Variants in ASCC3 observed in about 807,000 individuals in gnomAD.
The protein encoded by ASCC3 is activating signal cointegrator 1 complex subunit 3.
ASCC3 carries 158 observed loss-of-function variants against 256.3 expected under a neutral mutation model. The ratio of observed to expected loss-of-function variants is 0.62; its 90% CI spans 0.54 to 0.70. ASCC3 has a LOEUF of 0.70. Ranked by LOEUF, ASCC3 falls within the 30% of genes least tolerant of loss-of-function variation. The pLI is 0.00. For missense variants in ASCC3, 2,259 were observed against 2,626.0 expected (o/e 0.86, Z 3.05); for synonymous variants, 948 against 883.4 (o/e 1.07, Z -1.30).
At chr6:100,777,594 G>C (rs975406949) in intron 8 of ASCC3, among the ~76,000 whole-genome samples, 2 of 152,124 alleles carry the variant, frequency 1.3e-5, no homozygotes, top group African/African-American at 4.8e-5. Flanking sequence ...TAGGTTTCTA[G>C]AAAGGTGCCT....
At chr6:100,570,972 T>TGCA (rs1358587952) in intron 36 of ASCC3, among the ~76,000 whole-genome samples, 2 of 152,204 alleles carry the variant, frequency 1.3e-5, no homozygotes, top group Non-Finnish European at 2.9e-5. Context: ...GTGGACTTTC[T>TGCA]GCAGCAGCCA....
intron 14 of ASCC3, among the ~76,000 whole-genome samples, chr6:100,678,140 CT>C (rs770492440): frequency 3.5e-4 from 53 of 152,006 alleles, no homozygotes; most frequent in Non-Finnish European, 5.0e-4. Context: ...AAATGTTAAG[CT>C]TTACAATAAC....
intron 36 of ASCC3, among the ~76,000 whole-genome samples, chr6:100,584,268 C>T (rs1261525123): frequency 6.6e-6 from 1 of 151,378 alleles, no homozygotes; most frequent in East Asian, 1.9e-4. Context: ...AATCTGGGTG[C>T]TCCTGTATTG....
intron 5 of ASCC3, among the ~76,000 whole-genome samples, chr6:100,801,429 T>A (rs1769911062): frequency 6.6e-6 from 1 of 151,502 alleles, no homozygotes; most frequent in African/African-American, 2.4e-5. Flanking sequence ...CAATATCCAA[T>A]GCAGAAGAGA....
intron 3 of ASCC3, among the ~76,000 whole-genome samples, chr6:100,850,098 C>CGAAAA (rs1772588206): frequency 1.2e-5 from 1 of 80,612 alleles, no homozygotes; most frequent in Non-Finnish European, 2.4e-5. Flanking sequence ...GAGACTCTAT[C>CGAAAA]AAAAAAAAAA....
At chr6:100,821,534 T>A (rs988894220) in intron 4 of ASCC3, among the ~76,000 whole-genome samples, 3 of 151,304 alleles carry the variant, frequency 2.0e-5, no homozygotes, top group Non-Finnish European at 2.9e-5. Flanking sequence ...AAAAAAAAAA[T>A]GAAGTAGTAG....
At chr6:100,532,382 A>ATGTGTG (rs1171917739) in intron 37 of ASCC3, among the ~76,000 whole-genome samples, 1 of 59,694 alleles carries the variant, frequency 1.7e-5, no homozygotes, top group African/African-American at 6.7e-5. Context: ...ATGTGTGTAT[A>ATGTGTG]TATATATATA....
chr6:100,728,816 G>A (rs747470205), intron 10 of ASCC3, among the ~76,000 whole-genome samples: 7 of 152,148 alleles, frequency 4.6e-5, no homozygotes, highest in Middle Eastern at 3.4e-3. Context: ...CCATAGCTGC[G>A]GATGGCCTAT....
intron 34 of ASCC3, among the ~76,000 whole-genome samples, chr6:100,592,301 T>C (rs1772043563): frequency 1.3e-5 from 2 of 151,958 alleles, no homozygotes; most frequent in South Asian, 4.1e-4. Flanking sequence ...AACACAGTTT[T>C]TTTTTCTAAA....
At position 100,608,464 on chromosome 6, in the gene ASCC3, TTATA is replaced by T. The variant is rs1260413436; in HGVS notation, c.4786-1380_4786-1377del. Among the ~76,000 whole-genome samples the T allele has an allele frequency of 4.4e-4, 9 of 20,538 alleles. 4 individuals carry two copies. Among genetic ancestry groups the T allele is most frequent in the African/African-American group, 2.1e-3 (9 of 4,374 alleles). The allele number at this position is 20,538 out of a possible 152,430, so 13.5% of individuals were successfully genotyped here. On this transcript the variant is annotated intron_variant, in intron 30 of 41. Coordinates refer to ENST00000369162, the MANE Select transcript of ASCC3 (RefSeq NM_006828.4). ...TATATATATTTTATATATATATACT[TTATA>T]TATATATACTTTATATATATACTTT...
At chr6:100,807,566 C>G (rs149971791) in intron 4 of ASCC3, among the ~76,000 whole-genome samples, 1 of 151,760 alleles carries the variant, frequency 6.6e-6, no homozygotes, top group Non-Finnish European at 1.5e-5. Context: ...ACTGATGGTG[C>G]AAAAGCAATG....
At chr6:100,572,718 C>T (rs1468304856) in intron 36 of ASCC3, among the ~76,000 whole-genome samples, 1 of 151,876 alleles carries the variant, frequency 6.6e-6, no homozygotes, top group Admixed American at 6.6e-5. Context: ...AATTTTTGTC[C>T]TAATCTGTGT....
chr6:100,583,937 T>C lies in ASCC3; in HGVS notation c.5550+5697A>G, dbSNP rs374258379. Among the ~76,000 whole-genome samples, 737 of 152,326 alleles carry C rather than the reference T, an allele frequency of 4.8e-3. 3 individuals carry two copies. Among genetic ancestry groups the C allele is most frequent in the Admixed American group, 6.3e-3 (97 of 15,304 alleles). ...AATCCTGAGTTCTAGTTTGATTGCA[T>C]TGTGGTCTGAGAGATAGTTTGTTAT... is the stretch of plus-strand genomic sequence containing the variant. On this transcript the variant is annotated intron_variant, in intron 36 of 41. Coordinates refer to ENST00000369162, the MANE Select transcript of ASCC3 (RefSeq NM_006828.4).
intron 11 of ASCC3, among the ~76,000 whole-genome samples, chr6:100,723,895 T>C (rs1407927181): frequency 2.3e-4 from 30 of 129,258 alleles, no homozygotes; most frequent in Non-Finnish European, 2.5e-4. Flanking sequence ...TATATATATA[T>C]ATTTATAATT....
intron 4 of ASCC3, among the ~76,000 whole-genome samples, chr6:100,807,952 T>C (rs758775815): frequency 4.6e-5 from 7 of 151,886 alleles, no homozygotes; most frequent in Non-Finnish European, 8.8e-5. Context: ...TAAAAACAAA[T>C]TGATTATTCA....
Position 100,767,327 on chromosome 6 carries a change from TA to T in ASCC3, c.1413del (p.Phe471LeufsTer4). The T allele has an allele frequency of 6.3e-7, 1 of 1,581,602 alleles. No individual in the cohort carries two copies. Among genetic ancestry groups the T allele is most frequent in the Non-Finnish European group, 8.6e-7 (1 of 1,169,164 alleles). On this transcript the variant is annotated frameshift_variant, in exon 9 of 42. Coordinates refer to ENST00000369162, the MANE Select transcript of ASCC3 (RefSeq NM_006828.4). LOFTEE classifies it high-confidence loss of function. ...ATTCTATTGAGTCTCTTCATTCCTT[TA>T]AAAGCCAGCTGTCCGATCTAAAAAA... ...QDLDEIGQLA[F>X]KGMKRLNRIQ...
chr6:100,596,248 T>C (rs955651611), intron 34 of ASCC3, among the ~76,000 whole-genome samples: 5 of 152,204 alleles, frequency 3.3e-5, no homozygotes, highest in African/African-American at 9.6e-5. Context: ...GTCTACTTCA[T>C]AGTAAATTTT....
intron 7 of ASCC3, 111 bp from the exon 8 acceptor site, chr6:100,798,949 T>C (rs1025133970): frequency 9.9e-7 from 1 of 1,006,196 alleles, no homozygotes. Flanking sequence ...AACAAAGCAC[T>C]GGTAAATAAA....
chr6:100,606,716 T>C, intron 32 of ASCC3, 24 bp downstream of exon 32: 2 of 1,583,994 alleles, frequency 1.3e-6, no homozygotes, highest in Non-Finnish European at 1.7e-6. Flanking sequence ...GCTTCATGTA[T>C]TTCTGTGAAT....
Sources: allele counts gnomAD v4.1 joint callset (sites outside exome capture counted in the v4.1 genomes callset), GRCh38; gene constraint gnomAD v4.1.1; transcripts MANE v1.5; gene names NCBI Gene and HGNC (gene_info 2026-07-23, HGNC 2026-07-21).